CALN1: variants seen among roughly 807,000 people sequenced by gnomAD.
CALN1 encodes calneuron 1, also known as calcium-binding protein 8.
Under a neutral mutation model 30.6 loss-of-function variants are expected in CALN1, and 17 were observed. The ratio of observed to expected loss-of-function variants is 0.56; its 90% confidence interval spans 0.38 to 0.83. The LOEUF (loss-of-function observed/expected upper bound fraction) is 0.83, where lower values mean the gene tolerates loss of function less well. CALN1 is among the 40% of genes least tolerant of loss of function. The pLI is 0.00. For missense variants in CALN1, 291 were observed against 354.9 expected (o/e 0.82, Z 1.45); for synonymous variants, 156 against 131.4 (o/e 1.19, Z -1.28).
chr7:71,807,823 C>T (rs1329958699), intron 6 of CALN1, among the ~76,000 whole-genome samples: 1 of 152,128 alleles, frequency 6.6e-6, no homozygotes, highest in Non-Finnish European at 1.5e-5. Context: ...CGCCTGTAAT[C>T]CCAGCATTTT....
chr7:72,286,459 G>T (rs1227278120), intron 2 of CALN1, among the ~76,000 whole-genome samples: 1 of 152,168 alleles, frequency 6.6e-6, no homozygotes, highest in East Asian at 1.9e-4. Flanking sequence ...GACCTATGGG[G>T]ATTATGATTT....
chr7:72,186,868 A>C (rs1295727214), intron 3 of CALN1, among the ~76,000 whole-genome samples: 2 of 149,776 alleles, frequency 1.3e-5, no homozygotes, highest in Non-Finnish European at 1.5e-5. Context: ...TGCTGCAATA[A>C]ACATATGAGT....
At chr7:72,205,563 T>TACACAC (rs1390707353) in intron 3 of CALN1, among the ~76,000 whole-genome samples, 1 of 109,692 alleles carries the variant, frequency 9.1e-6, no homozygotes, top group African/African-American at 4.9e-5. Flanking sequence ...TATATATATA[T>TACACAC]ATATGTATAT....
At chr7:72,350,119 A>G (rs923670857) in intron 2 of CALN1, among the ~76,000 whole-genome samples, 28 of 152,148 alleles carry the variant, frequency 1.8e-4, no homozygotes, top group African/African-American at 6.5e-4. Flanking sequence ...TGATTTTTGC[A>G]TATGTTAAAA....
intron 5 of CALN1, among the ~76,000 whole-genome samples, chr7:71,922,846 ATAT>A (rs200380540): frequency 0.044 from 6,152 of 140,528 alleles, 440 homozygotes; most frequent in African/African-American, 0.15. Flanking sequence ...AATATATAAT[ATAT>A]AATATACACA....
chr7:72,344,949 T>C (rs1472594159), intron 2 of CALN1, among the ~76,000 whole-genome samples: 1 of 147,650 alleles, frequency 6.8e-6, no homozygotes, highest in Non-Finnish European at 1.5e-5. Flanking sequence ...TATGAATTGT[T>C]TTATGTGGTA....
At chr7:72,021,097 A>G (rs1409638247) in intron 5 of CALN1, among the ~76,000 whole-genome samples, 2 of 151,890 alleles carry the variant, frequency 1.3e-5, no homozygotes, top group Non-Finnish European at 2.9e-5. Flanking sequence ...ATAGCAAGAC[A>G]CCATATCTAC....
intron 3 of CALN1, among the ~76,000 whole-genome samples, chr7:72,169,854 C>T (rs1356134802): frequency 1.3e-5 from 2 of 151,882 alleles, no homozygotes; most frequent in African/African-American, 4.8e-5. Flanking sequence ...CCACACCCGG[C>T]TAGTTTTTGT....
chr7:72,136,917 C>T (rs1276902478), intron 3 of CALN1, among the ~76,000 whole-genome samples: 1 of 152,094 alleles, frequency 6.6e-6, no homozygotes, highest in Non-Finnish European at 1.5e-5. Context: ...TCAAAAAAAT[C>T]ACAATAGTAA....
chr7:71,873,195 G>C (rs897702123), intron 5 of CALN1, among the ~76,000 whole-genome samples: 3 of 151,702 alleles, frequency 2.0e-5, no homozygotes, highest in Non-Finnish European at 2.9e-5. Context: ...GTAGAGACAG[G>C]GTTTCACCAC....
chr7:72,329,908 C>T (rs574839236), intron 2 of CALN1, among the ~76,000 whole-genome samples: 6 of 152,192 alleles, frequency 3.9e-5, no homozygotes, highest in African/African-American at 1.4e-4. Context: ...GAGCCGAGAT[C>T]GCGCCACTGC....
At chr7:71,837,259 A>AAAAAAAAAAC (rs1789675779) in intron 5 of CALN1, among the ~76,000 whole-genome samples, 1 of 149,754 alleles carries the variant, frequency 6.7e-6, no homozygotes, top group Non-Finnish European at 1.5e-5. Context: ...AAAAAAAAAA[A>AAAAAAAAAAC]AAAAAAGCCA....
At chr7:72,349,152 G>C (rs1316362247) in intron 2 of CALN1, among the ~76,000 whole-genome samples, 1 of 152,120 alleles carries the variant, frequency 6.6e-6, no homozygotes, top group Non-Finnish European at 1.5e-5. Context: ...AACTGAAGCA[G>C]AGAAAGAATG....
At chr7:72,331,182 T>C (rs1801648471) in intron 2 of CALN1, among the ~76,000 whole-genome samples, 1 of 151,938 alleles carries the variant, frequency 6.6e-6, no homozygotes. Flanking sequence ...AAACCCCGTC[T>C]CTACTAAAAA....
chr7:72,371,573 G>T (rs559395734), intron 2 of CALN1, among the ~76,000 whole-genome samples: 10 of 152,126 alleles, frequency 6.6e-5, no homozygotes, highest in African/African-American at 1.9e-4. Context: ...GGCCTCCCCA[G>T]ACATGTGGAA....
chr7:72,010,829 A>G (rs1419856284), intron 5 of CALN1, among the ~76,000 whole-genome samples: 2 of 146,438 alleles, frequency 1.4e-5, no homozygotes, highest in East Asian at 2.0e-4. Context: ...AAAAGAAAAG[A>G]AAAGAAAAAG....
Position 72,432,878 on chromosome 7 carries a change from G to A in CALN1, c.-226+14164C>T, listed in dbSNP as rs147886624. Among the ~76,000 whole-genome samples the A allele has an allele frequency of 4.6e-5, 7 of 152,206 alleles. No homozygotes were observed. The East Asian group carries it at 9.6e-4, about 21-fold the overall frequency. On this transcript the variant is annotated intron_variant, in intron 1 of 6. Transcript: ENST00000395276. ...AATCGATCTGCCTCGGCAAAAAGAC[G>A]GTGCTAGTAAACTAACTAGATTTCC...
Position 72,423,773 on chromosome 7 carries a change from T to C in CALN1, c.-225-11498A>G, listed in dbSNP as rs141629001. 6.3e-3 allele frequency among the ~76,000 whole-genome samples: 947 copies of C among 149,382 alleles called. 8 individuals are homozygous for C. The highest frequency in any genetic ancestry group is 0.022 in the African/African-American group (885 of 40,306). Reference sequence around the variant, plus strand: ...TGGAGGCTGCAGTGAGCTGTGATCATGCCACTGCACTCCAGCCTGGGTGAC... The same window carrying C: ...TGGAGGCTGCAGTGAGCTGTGATCACGCCACTGCACTCCAGCCTGGGTGAC... On this transcript the variant is annotated intron_variant, in intron 1 of 6. Coordinates refer to the CALN1 transcript ENST00000395276.
intron 2 of CALN1, among the ~76,000 whole-genome samples, chr7:72,397,030 C>T (rs1007460637): frequency 5.3e-5 from 8 of 152,070 alleles, no homozygotes; most frequent in Admixed American, 2.6e-4. Context: ...CCCCCCTCAG[C>T]CTCCAAAGTG....
Sources: gnomAD v4.1 joint callset for allele counts (sites outside exome capture counted in the v4.1 genomes callset) on GRCh38, gnomAD v4.1.1 for gene constraint, MANE v1.5 for transcripts, NCBI Gene and HGNC (gene_info 2026-07-23, HGNC 2026-07-21) for gene names.